MAPKAP1: variants seen among roughly 807,000 people sequenced by gnomAD.
MAPKAP1 encodes MAPK associated protein 1.
In MAPKAP1, 20 loss-of-function variants were observed where a neutral mutation model predicts 65.7. That is an observed-to-expected ratio of 0.30 (90% confidence interval 0.21 to 0.44). The LOEUF (loss-of-function observed/expected upper bound fraction) is 0.44, where lower values mean the gene tolerates loss of function less well. MAPKAP1 is among the 20% of genes least tolerant of loss of function. The pLI, the probability that MAPKAP1 is intolerant of heterozygous loss-of-function variation, is 1.00. For missense variants in MAPKAP1, 423 were observed against 648.0 expected (o/e 0.65, Z 3.77); for synonymous variants, 222 against 244.3 (o/e 0.91, Z 0.85).
At chr9:125,619,409 G>A (rs116901555) in intron 4 of MAPKAP1, among the ~76,000 whole-genome samples, 1,926 of 151,994 alleles carry the variant, frequency 0.013, 21 homozygotes, top group Non-Finnish European at 0.021. Context: ...CCCGGGAGGC[G>A]GAGGTTACAG....
chr9:125,581,329 T>C (rs749474313), intron 5 of MAPKAP1, among the ~76,000 whole-genome samples: 10 of 152,278 alleles, frequency 6.6e-5, no homozygotes, highest in Non-Finnish European at 1.5e-4. Context: ...AGAAATGATG[T>C]ATGATACAGT....
intron 6 of MAPKAP1, among the ~76,000 whole-genome samples, chr9:125,557,731 C>A (rs1347027218): frequency 6.6e-6 from 1 of 152,140 alleles, no homozygotes; most frequent in Non-Finnish European, 1.5e-5. Context: ...TACTGCTTAT[C>A]ACATTTTAAT....
chr9:125,679,042 T>C (rs1278484004), intron 1 of MAPKAP1, among the ~76,000 whole-genome samples: 1 of 151,034 alleles, frequency 6.6e-6, no homozygotes, highest in East Asian at 1.9e-4. Flanking sequence ...CGCACTGTCG[T>C]CCAGGCTGGA....
chr9:125,689,841 CT>C (rs1835113525), intron 1 of MAPKAP1, among the ~76,000 whole-genome samples: 1 of 151,844 alleles, frequency 6.6e-6, no homozygotes, highest in Non-Finnish European at 1.5e-5. Flanking sequence ...AATCCCAGAA[CT>C]TTGAGAGGCC....
At chr9:125,597,667 C>T (rs1449660695) in intron 4 of MAPKAP1, among the ~76,000 whole-genome samples, 2 of 152,148 alleles carry the variant, frequency 1.3e-5, no homozygotes, top group African/African-American at 4.8e-5. Context: ...AAGCAGGCAA[C>T]ATTATTCCAT....
chr9:125,704,493 T>C (rs1479992651), intron 1 of MAPKAP1, among the ~76,000 whole-genome samples: 3 of 152,200 alleles, frequency 2.0e-5, no homozygotes, highest in African/African-American at 7.2e-5. Flanking sequence ...ACATCTCCTC[T>C]ACTAGAATGT....
At chr9:125,637,370 T>C (rs1394187511) in intron 4 of MAPKAP1, among the ~76,000 whole-genome samples, 2 of 151,740 alleles carry the variant, frequency 1.3e-5, no homozygotes, top group Non-Finnish European at 2.9e-5. Context: ...AGTATCAAAG[T>C]GCTAAAGAGA....
chr9:125,500,863 T>C (rs1828956700), intron 8 of MAPKAP1, among the ~76,000 whole-genome samples: 1 of 152,116 alleles, frequency 6.6e-6, no homozygotes, highest in South Asian at 2.1e-4. Context: ...ATGAATTAGT[T>C]CCTCAAGTAT....
chr9:125,700,135 A>G (rs1305306733), intron 1 of MAPKAP1, among the ~76,000 whole-genome samples: 1 of 152,230 alleles, frequency 6.6e-6, no homozygotes, highest in African/African-American at 2.4e-5. Flanking sequence ...CCCATGTCAC[A>G]CTGCTTAAAA....
At chr9:125,584,012 G>A (rs940055963) in intron 5 of MAPKAP1, among the ~76,000 whole-genome samples, 8 of 151,656 alleles carry the variant, frequency 5.3e-5, no homozygotes, top group East Asian at 1.9e-4. Context: ...GCAGTGAGCC[G>A]AGATCGCGCC....
chr9:125,656,352 G>A (rs558003544), intron 4 of MAPKAP1, among the ~76,000 whole-genome samples: 5 of 152,160 alleles, frequency 3.3e-5, no homozygotes, highest in African/African-American at 4.8e-5. Flanking sequence ...AAGGGCAGAC[G>A]AAAGAGAAGC....
At chr9:125,517,194 T>C (rs1402571530) in intron 7 of MAPKAP1, among the ~76,000 whole-genome samples, 1 of 152,110 alleles carries the variant, frequency 6.6e-6, no homozygotes, top group Non-Finnish European at 1.5e-5. Context: ...GTTTTGATCT[T>C]TGGGTTAAAA....
chr9:125,512,056 A>G (rs967490762), intron 7 of MAPKAP1, among the ~76,000 whole-genome samples: 36 of 152,246 alleles, frequency 2.4e-4, no homozygotes, highest in African/African-American at 7.5e-4. Flanking sequence ...ATCTCAGCAC[A>G]TAAGTTTCAA....
chr9:125,584,626 C>T (rs1831724963), intron 5 of MAPKAP1, among the ~76,000 whole-genome samples: 1 of 152,150 alleles, frequency 6.6e-6, no homozygotes, highest in Admixed American at 6.5e-5. Context: ...AGGGTTTCAC[C>T]ATGTTGGCCA....
chr9:125,484,021 G>A (rs117840477), intron 9 of MAPKAP1, among the ~76,000 whole-genome samples: 6 of 152,212 alleles, frequency 3.9e-5, no homozygotes, highest in Admixed American at 6.5e-5. Context: ...ATTATATGAC[G>A]AAGATCCAAA....
At chr9:125,505,051 G>A (rs1829096537) in intron 8 of MAPKAP1, among the ~76,000 whole-genome samples, 1 of 152,210 alleles carries the variant, frequency 6.6e-6, no homozygotes, top group African/African-American at 2.4e-5. Flanking sequence ...AGAAAAGTAT[G>A]TAATTCTAAA....
chr9:125,567,377 A>G (rs1426521222), intron 5 of MAPKAP1, among the ~76,000 whole-genome samples: 1 of 152,202 alleles, frequency 6.6e-6, no homozygotes, highest in Non-Finnish European at 1.5e-5. Flanking sequence ...GCTAAAACCC[A>G]CTGAAACCAA....
intron 10 of MAPKAP1, among the ~76,000 whole-genome samples, chr9:125,459,698 G>T (rs1052470689): frequency 9.2e-5 from 14 of 152,210 alleles, no homozygotes; most frequent in African/African-American, 3.4e-4. Context: ...GCCTGCAATC[G>T]CAGGCACTCG....
At chr9:125,645,079 G>A (rs528418955) in intron 4 of MAPKAP1, among the ~76,000 whole-genome samples, 10 of 152,170 alleles carry the variant, frequency 6.6e-5, no homozygotes, top group African/African-American at 2.4e-4. Flanking sequence ...TTGTGTCTGC[G>A]CATAAAAAGT....
Sources: allele counts gnomAD v4.1 joint callset (sites outside exome capture counted in the v4.1 genomes callset), GRCh38; gene constraint gnomAD v4.1.1; transcripts MANE v1.5; gene names NCBI Gene and HGNC (gene_info 2026-07-23, HGNC 2026-07-21).